Variants in THSD4 observed in about 807,000 individuals in gnomAD.
The protein encoded by THSD4 is thrombospondin type 1 domain containing 4, also known as thrombospondin type-1 domain-containing protein 4.
In THSD4, 69 loss-of-function variants were observed where a neutral mutation model predicts 119.0. The ratio of observed to expected loss-of-function variants is 0.58; its 90% confidence interval spans 0.48 to 0.71. The LOEUF (loss-of-function observed/expected upper bound fraction) is 0.71, where lower values mean the gene tolerates loss of function less well. THSD4 is among the 30% of genes least tolerant of loss of function. The pLI, the probability that THSD4 is intolerant of heterozygous loss-of-function variation, is 0.00. For synonymous variants in THSD4, 524 were observed against 540.4 expected, an observed-to-expected ratio of 0.97 and a Z score of 0.42; for missense variants, 1,393 against 1,391.1, an observed-to-expected ratio of 1.00 and a Z score of -0.02.
chr15:71,712,620 G>C lies in THSD4; in HGVS notation c.1358-15929G>C, dbSNP rs557929795. 3.0e-4 allele frequency among the ~76,000 whole-genome samples: 46 copies of C among 152,300 alleles called. 1 individual carries two copies. Among genetic ancestry groups the C allele is most frequent in the Admixed American group, 2.4e-3 (36 of 15,298 alleles). On this transcript the variant is annotated intron_variant, in intron 8 of 17. Coordinates refer to ENST00000261862, the MANE Select transcript of THSD4 (RefSeq NM_024817.3). ...GAGAAAATTAAGAAACAAAATACTT[G>C]TTCTTTGAAAATATCAATACAATTG...
At chr15:71,687,431 A>G (rs573022912) in intron 8 of THSD4, among the ~76,000 whole-genome samples, 1 of 152,308 alleles carries the variant, frequency 6.6e-6, no homozygotes, top group South Asian at 2.1e-4. Context: ...AAAAACCACT[A>G]AAACGGCTGA....
At chr15:71,325,865 A>G (rs770984417) in intron 6 of THSD4, among the ~76,000 whole-genome samples, 8 of 152,232 alleles carry the variant, frequency 5.3e-5, no homozygotes, top group Non-Finnish European at 8.8e-5. Context: ...CCTATAGGTT[A>G]TGATAACATC....
chr15:71,532,838 T>C (rs1232649478), intron 7 of THSD4, among the ~76,000 whole-genome samples: 4 of 151,824 alleles, frequency 2.6e-5, no homozygotes, highest in Admixed American at 2.6e-4. Context: ...AGAGAAGGAG[T>C]GTGTTGAAGA....
chr15:71,296,755 C>T (rs2033329997), intron 6 of THSD4, among the ~76,000 whole-genome samples: 1 of 152,164 alleles, frequency 6.6e-6, no homozygotes, highest in African/African-American at 2.4e-5. Flanking sequence ...CTGAAAACGT[C>T]GTATTCCTTT....
chr15:71,126,225 C>G (rs994384862), intron 1 of THSD4, among the ~76,000 whole-genome samples: 2 of 152,196 alleles, frequency 1.3e-5, no homozygotes, highest in African/African-American at 4.8e-5. Context: ...AGTAACGAAG[C>G]CATGCATCCC....
intron 7 of THSD4, among the ~76,000 whole-genome samples, chr15:71,489,313 C>A (rs7182847): frequency 1.6e-4 from 25 of 152,186 alleles, no homozygotes; most frequent in Admixed American, 4.6e-4. Flanking sequence ...ATTACCATTT[C>A]TTTGCTCATT....
chr15:71,279,710 A>G (rs2994), intron 6 of THSD4, among the ~76,000 whole-genome samples: 64,493 of 151,762 alleles, frequency 0.42, 14,501 homozygotes, highest in Middle Eastern at 0.65. Flanking sequence ...GGGGCTCCCA[A>G]ATGAAACTGT....
chr15:71,300,678 T>G (rs2044936588), intron 6 of THSD4, among the ~76,000 whole-genome samples: 1 of 152,240 alleles, frequency 6.6e-6, no homozygotes, highest in African/African-American at 2.4e-5. Flanking sequence ...AAATCTAGAA[T>G]GTATAATGTG....
intron 3 of THSD4, among the ~76,000 whole-genome samples, chr15:71,161,643 G>A (rs1222221917): frequency 6.6e-6 from 1 of 151,584 alleles, no homozygotes; most frequent in Non-Finnish European, 1.5e-5. Context: ...TTAATGGCGA[G>A]GTGAGTTTCT....
intron 7 of THSD4, among the ~76,000 whole-genome samples, chr15:71,489,698 C>G (rs1401597659): frequency 3.9e-5 from 6 of 152,146 alleles, no homozygotes; most frequent in Non-Finnish European, 8.8e-5. Flanking sequence ...CCTGGTTTTG[C>G]CAGAAATAGA....
chr15:71,639,836 C>A (rs1464395015), intron 7 of THSD4, among the ~76,000 whole-genome samples: 17 of 140,550 alleles, frequency 1.2e-4, no homozygotes, highest in African/African-American at 2.6e-4. Context: ...TTTTATTTAG[C>A]AAAAAAAAAA....
intron 8 of THSD4, among the ~76,000 whole-genome samples, chr15:71,727,573 TATATATATATATATACACACACACACAC>T (rs2052879003): frequency 2.9e-5 from 2 of 67,874 alleles, no homozygotes; most frequent in Admixed American, 1.7e-4. Context: ...TATATATATA[TATATATATATATATACACACACACACAC>T]ACACACACAC....
At chr15:71,401,694 C>G (rs144720671) in intron 6 of THSD4, among the ~76,000 whole-genome samples, 1 of 152,072 alleles carries the variant, frequency 6.6e-6, no homozygotes, top group Non-Finnish European at 1.5e-5. Flanking sequence ...AACAGTGTGG[C>G]GATTCCTCAA....
chr15:71,143,184 T>C (rs2040621631), intron 2 of THSD4, among the ~76,000 whole-genome samples: 1 of 152,206 alleles, frequency 6.6e-6, no homozygotes, highest in African/African-American at 2.4e-5. Context: ...CTGTATGATA[T>C]TGAGCCACGA....
intron 11 of THSD4, among the ~76,000 whole-genome samples, chr15:71,743,635 T>C (rs1244837576): frequency 2.6e-5 from 4 of 152,238 alleles, no homozygotes; most frequent in Non-Finnish European, 5.9e-5. Context: ...TTGTGCTTAA[T>C]TGGAACGTTA....
intron 6 of THSD4, among the ~76,000 whole-genome samples, chr15:71,328,964 A>G (rs928960667): frequency 6.6e-6 from 1 of 151,928 alleles, no homozygotes; most frequent in African/African-American, 2.4e-5. Context: ...TTTCTCTCCA[A>G]CTCTACAGTC....
chr15:71,619,421 A>T (rs2050381180), intron 7 of THSD4, among the ~76,000 whole-genome samples: 1 of 152,216 alleles, frequency 6.6e-6, no homozygotes, highest in South Asian at 2.1e-4. Context: ...GATAGTTAGC[A>T]TCTGGAAAAC....
At chr15:71,187,586 A>G (rs2043622137) in intron 3 of THSD4, 1 of 152,658 alleles carries the variant, frequency 6.6e-6, no homozygotes, top group African/African-American at 2.4e-5. Context: ...CTTTGAAAGG[A>G]CCGTGGCTGT....
Position 71,267,701 on chromosome 15 carries a change from G to A in THSD4, c.1015+10986G>A, listed in dbSNP as rs112779271. ...TAGAGACAAGACCCATCAGTGTGCTGTATTCAGGAGACCCATCTCATGTGC... is the reference window on the plus strand; with the variant it reads ...TAGAGACAAGACCCATCAGTGTGCTATATTCAGGAGACCCATCTCATGTGC... On this transcript the variant is annotated intron_variant, in intron 6 of 17. Coordinates refer to ENST00000261862, the MANE Select transcript of THSD4 (RefSeq NM_024817.3). 7.2e-3 allele frequency among the ~76,000 whole-genome samples: 1,096 copies of A among 152,264 alleles called. 16 individuals carry two copies. The highest frequency in any genetic ancestry group is 0.025 in the African/African-American group (1,047 of 41,538).
Sources: gnomAD v4.1 joint callset for allele counts (sites outside exome capture counted in the v4.1 genomes callset) on GRCh38, gnomAD v4.1.1 for gene constraint, MANE v1.5 for transcripts, NCBI Gene and HGNC (gene_info 2026-07-23, HGNC 2026-07-21) for gene names.